Variants in SYN2 observed in about 807,000 individuals in gnomAD.
The protein encoded by SYN2 is synapsin II.
A neutral mutation model predicts 50.9 loss-of-function variants in SYN2; 19 were observed. The ratio of observed to expected loss-of-function variants is 0.37; its 90% confidence interval spans 0.26 to 0.55. The LOEUF (loss-of-function observed/expected upper bound fraction) is 0.55, where lower values mean the gene tolerates loss of function less well. Ranked by LOEUF, SYN2 falls within the 20% of genes least tolerant of loss-of-function variation. The probability of loss-of-function intolerance (pLI) is 0.81; values close to 1 mark genes in which losing one functional copy is unlikely to be tolerated. For missense variants in SYN2, 587 were observed against 576.4 expected (o/e 1.02, Z -0.19); for synonymous variants, 255 against 224.9 (o/e 1.13, Z -1.20).
At chr3:12,161,512 T>C in intron 5 of SYN2, 34 bp from the exon 6 acceptor site, 1 of 1,613,144 alleles carries the variant, frequency 6.2e-7, no homozygotes, top group Non-Finnish European at 8.5e-7. Context: ...ATGGGCACAC[T>C]CTGACAGTTT....
chr3:12,039,521 C>G (rs575146013), intron 1 of SYN2, among the ~76,000 whole-genome samples: 1 of 149,970 alleles, frequency 6.7e-6, no homozygotes, highest in African/African-American at 2.4e-5. Flanking sequence ...TGTTCCTATC[C>G]TGCAGATGAG....
chr3:12,141,327 T>A (rs1032801009), intron 2 of SYN2, among the ~76,000 whole-genome samples: 1 of 152,160 alleles, frequency 6.6e-6, no homozygotes, highest in Non-Finnish European at 1.5e-5. Context: ...AAGAAGTTTC[T>A]CATCATTCAT....
At chr3:12,143,176 G>A (rs899923130) in intron 3 of SYN2, among the ~76,000 whole-genome samples, 2 of 152,164 alleles carry the variant, frequency 1.3e-5, no homozygotes, top group African/African-American at 4.8e-5. Flanking sequence ...CTCAATTCCT[G>A]TAACTGGGGT....
At chr3:12,053,827 A>T (rs1377636558) in intron 1 of SYN2, among the ~76,000 whole-genome samples, 1 of 152,190 alleles carries the variant, frequency 6.6e-6, no homozygotes, top group Non-Finnish European at 1.5e-5. Flanking sequence ...TTTTTTGTAA[A>T]CCTCGAATAA....
At chr3:12,127,454 A>C (rs1176808007) in intron 1 of SYN2, among the ~76,000 whole-genome samples, 1 of 152,210 alleles carries the variant, frequency 6.6e-6, no homozygotes, top group Non-Finnish European at 1.5e-5. Context: ...ATAGCATCTA[A>C]GGTCCATTTC....
At chr3:12,022,457 G>T (rs958934222) in intron 1 of SYN2, among the ~76,000 whole-genome samples, 4 of 152,048 alleles carry the variant, frequency 2.6e-5, no homozygotes, top group African/African-American at 9.7e-5. Context: ...TGCCAGGCTG[G>T]AGTGCAGTGG....
chr3:12,089,353 T>C (rs1393711855), intron 1 of SYN2, among the ~76,000 whole-genome samples: 1 of 152,178 alleles, frequency 6.6e-6, no homozygotes, highest in Non-Finnish European at 1.5e-5. Flanking sequence ...ACTTATTCAC[T>C]ATCATGAGAA....
At chr3:12,087,968 A>G (rs995106451) in intron 1 of SYN2, among the ~76,000 whole-genome samples, 2 of 152,064 alleles carry the variant, frequency 1.3e-5, no homozygotes, top group Non-Finnish European at 2.9e-5. Flanking sequence ...GAAATGGTAA[A>G]ACTCCTAAAA....
chr3:12,151,060 C>T (rs1021575888), intron 4 of SYN2, among the ~76,000 whole-genome samples, 177 bp from the exon 5 acceptor site: 3 of 152,242 alleles, frequency 2.0e-5, no homozygotes, highest in Non-Finnish European at 4.4e-5. Flanking sequence ...TTCCCTTCCC[C>T]AACTAATGCG....
At chr3:12,095,016 T>C (rs1054233060) in intron 1 of SYN2, among the ~76,000 whole-genome samples, 11 of 152,154 alleles carry the variant, frequency 7.2e-5, no homozygotes, top group South Asian at 2.1e-4. Flanking sequence ...TGTTCTTAGA[T>C]AGAAGAGAGA....
intron 1 of SYN2, among the ~76,000 whole-genome samples, chr3:12,020,115 GTTC>G (rs1417711039): frequency 6.6e-6 from 1 of 152,156 alleles, no homozygotes; most frequent in African/African-American, 2.4e-5. Context: ...ATGACTTAGA[GTTC>G]TTCTGGTATA....
chr3:12,098,719 C>T (rs1054114152), intron 1 of SYN2, among the ~76,000 whole-genome samples: 7 of 151,492 alleles, frequency 4.6e-5, no homozygotes, highest in Non-Finnish European at 8.8e-5. Flanking sequence ...TTAATAATTA[C>T]ATTAAATGAA....
At chr3:12,168,234 A>G (rs980074193) in intron 8 of SYN2, 142 bp from the exon 9 acceptor site, 7 of 678,922 alleles carry the variant, frequency 1.0e-5, no homozygotes, top group African/African-American at 1.8e-5. Context: ...AAATAAGGGT[A>G]TGTGCTTGAT....
chr3:12,015,700 T>G (rs2648347), intron 1 of SYN2, among the ~76,000 whole-genome samples: 120,396 of 152,104 alleles, frequency 0.79, 47,868 homozygotes, highest in Middle Eastern at 0.9. Flanking sequence ...TGTCTGATGT[T>G]CCTAAACACC....
chr3:12,066,842 G>C (rs558248809), intron 1 of SYN2, among the ~76,000 whole-genome samples: 3 of 150,436 alleles, frequency 2.0e-5, no homozygotes, highest in African/African-American at 7.4e-5. Flanking sequence ...TCACATGGCT[G>C]GGGGGGGCCT....
At chr3:12,090,293 T>C (rs1053994793) in intron 1 of SYN2, among the ~76,000 whole-genome samples, 2 of 152,192 alleles carry the variant, frequency 1.3e-5, no homozygotes, top group African/African-American at 2.4e-5. Context: ...TAAATGACTA[T>C]GAGGAAACTC....
chr3:12,059,163 C>T (rs2125160931), intron 1 of SYN2, among the ~76,000 whole-genome samples: 1 of 152,294 alleles, frequency 6.6e-6, no homozygotes, highest in South Asian at 2.1e-4. Flanking sequence ...CAAGGAGGAC[C>T]AGGCAGCTAA....
chr3:12,097,207 GAC>G (rs1447065820), intron 1 of SYN2, among the ~76,000 whole-genome samples: 1 of 152,160 alleles, frequency 6.6e-6, no homozygotes, highest in African/African-American at 2.4e-5. Context: ...CTGCTATAAA[GAC>G]ACATGCACAC....
intron 1 of SYN2, among the ~76,000 whole-genome samples, chr3:12,072,215 T>C (rs960499908): frequency 2.0e-5 from 3 of 152,258 alleles, no homozygotes; most frequent in African/African-American, 7.2e-5. Flanking sequence ...ATAAGAGTAC[T>C]TTATATATTC....
Sources: allele counts gnomAD v4.1 joint callset (sites outside exome capture counted in the v4.1 genomes callset), GRCh38; gene constraint gnomAD v4.1.1; transcripts MANE v1.5; gene names NCBI Gene and HGNC (gene_info 2026-07-23, HGNC 2026-07-21).